DISP2: variants seen among roughly 807,000 people sequenced by gnomAD.
DISP2 encodes dispatched RND transporter family member 2.
A neutral mutation model predicts 95.5 loss-of-function variants in DISP2; 59 were observed. The observed-to-expected ratio is 0.62, with a 90% CI of 0.50 to 0.77. The LOEUF is 0.77. Among genes scored for constraint, DISP2 ranks in the 30% least tolerant of loss-of-function variants. The pLI, the probability that DISP2 is intolerant of heterozygous loss-of-function variation, is 0.00. For missense variants in DISP2, 1,752 were observed against 1,854.6 expected, an observed-to-expected ratio of 0.94 and a Z score of 1.02; for synonymous variants, 827 against 815.0, an observed-to-expected ratio of 1.01 and a Z score of -0.25.
intron 2 of DISP2, 71 bp downstream of exon 2, chr15:40,364,025 G>A: frequency 6.7e-7 from 1 of 1,499,526 alleles, no homozygotes; most frequent in Non-Finnish European, 8.9e-7. Flanking sequence ...GGGGCAGACT[G>A]CCGGGGCTCT....
In DISP2 at chr15:40,368,560, T is replaced by A; in HGVS notation, c.2448T>A (p.Cys816Ter). The change falls in exon 8 of 8, where the codon TGT becomes TGA. Residue 816 changes from cysteine to a stop codon, truncating the protein, a stop_gained. Transcript: ENST00000267889. LOFTEE classifies it high-confidence loss of function. Reference protein sequence around the residue: ...PEAQRWLLALCHRARNQSFFD... With the variant: ...PEAQRWLLAL ...CCCAGCGCTGGCTGCTGGCACTCTG[T>A]CACCGGGCCCGGAATCAGAGCTTCT... 1 of 1,604,234 alleles carries A rather than the reference T, an allele frequency of 6.2e-7. No individual in the cohort carries two copies.
rs1241293133 is a variant in DISP2, at chr15:40,370,948, G to A, written c.*630G>A. On this transcript the variant is annotated 3_prime_UTR_variant, in exon 8 of 8. Coordinates refer to ENST00000267889, the MANE Select transcript of DISP2 (RefSeq NM_033510.3). The stretch of plus-strand genomic sequence containing the variant: ...TGCTGGGTGTGCAGCAGGAGAAGGA[G>A]GATGGTCAGCCTTGGAGCATCTCTC... 1 of 264,014 alleles carries A rather than the reference G, an allele frequency of 3.8e-6. No individual in the cohort carries two copies. The highest frequency in any genetic ancestry group is 7.7e-6 in the Non-Finnish European group (1 of 129,120). The allele number at this position is 264,014 out of a possible 1,614,324, so 16.4% of individuals were successfully genotyped here.
chr15:40,365,202 G>A lies in DISP2; in HGVS notation c.775G>A (p.Ala259Thr), dbSNP rs775657161. Reference protein sequence around the residue: ...PAPRGSAQESAVRPRRMVEPL... With the variant: ...PAPRGSAQESTVRPRRMVEPL... ...ACCCAGAGGCAGTGCCCAGGAGAGC[G>A]CTGTCCGGCCTCGGAGAATGGTGGA... The change falls in exon 6 of 8, where the codon GCT (alanine) becomes ACT (threonine). Residue 259 changes from alanine to threonine, a missense_variant. Ala to Thr is a moderately conservative substitution (Grantham distance 58). Coordinates refer to ENST00000267889, the MANE Select transcript of DISP2 (RefSeq NM_033510.3). 33 of 1,614,176 alleles carry A rather than the reference G, an allele frequency of 2.0e-5. No individual in the cohort carries two copies. In the East Asian group the frequency reaches 3.3e-4, roughly 16 times the overall value.
chr15:40,364,352 G>T, intron 3 of DISP2, 69 bp from the exon 4 acceptor site: 1 of 1,613,344 alleles, frequency 6.2e-7, no homozygotes, highest in Non-Finnish European at 8.5e-7. Context: ...CACCCCTTCT[G>T]GGTGGAGCCT....
rs1403580525 is a variant in DISP2, at chr15:40,367,557, G to A, written c.1445G>A (p.Arg482Lys). ...MDLGLKQELL[R>K]HFLVQDTVYP... ...CTGGGCCTCAAGCAGGAGCTGCTGAGGCACTTCCTGGTCCAGGACACGGTG... is the reference window on the plus strand; with the variant it reads ...CTGGGCCTCAAGCAGGAGCTGCTGAAGCACTTCCTGGTCCAGGACACGGTG... Residue 482 changes from arginine (R) to lysine (K), a missense_variant, in exon 8 of 8, where the codon AGG becomes AAG. By Grantham distance (26) the Arg-to-Lys change is conservative. Coordinates refer to ENST00000267889, the MANE Select transcript of DISP2 (RefSeq NM_033510.3). 6.8e-6 allele frequency: 11 copies of A among 1,613,886 alleles called. No homozygotes were observed. Among genetic ancestry groups the A allele is most frequent in the Non-Finnish European group, 8.5e-6 (10 of 1,180,006 alleles).
intron 1 of DISP2, among the ~76,000 whole-genome samples, chr15:40,358,850 G>T (rs1889363161): frequency 6.6e-6 from 1 of 152,262 alleles, no homozygotes; most frequent in Admixed American, 6.5e-5. Flanking sequence ...ATCGCGGATG[G>T]GAGGCTCGCC....
chr15:40,370,097 G>C lies in DISP2; in HGVS notation c.3985G>C (p.Glu1329Gln). 1 of 1,611,538 alleles carries C rather than the reference G, an allele frequency of 6.2e-7. No individual in the cohort carries two copies. The highest frequency in any genetic ancestry group is 1.3e-5 in the African/African-American group (1 of 75,008). The stretch of plus-strand genomic sequence containing the variant: ...GGATGACACTGGGCAGCCAGTCCTT[G>C]AGCGAGGCCAGCTCAATGGGAAGCG... ...DLDDTGQPVL[E>Q]RGQLNGKRDT... The change falls in exon 8 of 8, where the codon GAG becomes CAG. Residue 1329 changes from glutamate to glutamine, a missense_variant. By Grantham distance (29) the Glu-to-Gln change is conservative. Coordinates refer to ENST00000267889, the MANE Select transcript of DISP2 (RefSeq NM_033510.3).
intron 1 of DISP2, among the ~76,000 whole-genome samples, chr15:40,359,576 G>A (rs906441656): frequency 2.0e-5 from 3 of 152,198 alleles, no homozygotes; most frequent in Non-Finnish European, 2.9e-5. Context: ...GGGGCCAGAA[G>A]CATCCCTAGA....
chr15:40,358,522 T>G, intron 1 of DISP2, 82 bp downstream of exon 1: 1 of 1,044,350 alleles, frequency 9.6e-7, no homozygotes, highest in Non-Finnish European at 1.2e-6. Flanking sequence ...AGCCGCCATA[T>G]GTTGCCCCAT....
chr15:40,366,181 C>A (rs1195841467), intron 7 of DISP2, among the ~76,000 whole-genome samples: 1 of 152,266 alleles, frequency 6.6e-6, no homozygotes, highest in African/African-American at 2.4e-5. Flanking sequence ...CCCCACTTCA[C>A]ACGAGGATAT....
At chr15:40,365,458 G>T (rs1889482407) in intron 6 of DISP2, among the ~76,000 whole-genome samples, 170 bp from the exon 7 acceptor site, 1 of 152,226 alleles carries the variant, frequency 6.6e-6, no homozygotes, top group African/African-American at 2.4e-5. Flanking sequence ...GCCAGACAGG[G>T]TCAAGCTGGG....
In DISP2 at chr15:40,367,765, G is replaced by C. The variant is rs141528154; in HGVS notation, c.1653G>C (p.Leu551=). 1 of 1,610,904 alleles carries C rather than the reference G, an allele frequency of 6.2e-7. No homozygotes were observed. Among genetic ancestry groups the C allele is most frequent in the South Asian group, 1.1e-5 (1 of 91,084 alleles). The change falls in exon 8 of 8, where the codon CTG becomes CTC. Residue 551 remains leucine, a synonymous_variant. Coordinates refer to ENST00000267889, the MANE Select transcript of DISP2 (RefSeq NM_033510.3). The part of the protein sequence containing the change: ...PFVNLAALLL[L]SSVCANHTLI... ...TCAATCTGGCAGCCCTCCTCCTGCTGAGCAGCGTCTGCGCCAACCACACGC... is the reference window on the plus strand; with the variant it reads ...TCAATCTGGCAGCCCTCCTCCTGCTCAGCAGCGTCTGCGCCAACCACACGC...
rs1555399513 is a variant in DISP2, at chr15:40,358,248, G to GCCGCCGCCGCCGCTGCCGCCGCCA, written c.-69_-68insGCCGCCGCTGCCGCCGCCACCGCC. 9.8e-7 allele frequency: 1 copy of GCCGCCGCCGCCGCTGCCGCCGCCA among 1,025,138 alleles called. No homozygotes were observed. The highest frequency in any genetic ancestry group is 1.2e-6 in the Non-Finnish European group (1 of 830,888). The allele number at this position is 1,025,138 out of a possible 1,614,324, so 63.5% of individuals were successfully genotyped here. On this transcript the variant is annotated 5_prime_UTR_variant, in exon 1 of 8. Transcript: ENST00000267889. Reference sequence around the variant, plus strand: ...GCACGAGCACCCCGCCGCCGCTGCCGCCGCCACCGCCGCCGCCGCCGCCGC... The same window carrying GCCGCCGCCGCCGCTGCCGCCGCCA: ...GCACGAGCACCCCGCCGCCGCTGCCGCCGCCGCCGCCGCTGCCGCCGCCACCGCCACCGCCGCCGCCGCCGCCGC...
chr15:40,368,606 T>A lies in DISP2; in HGVS notation c.2494T>A (p.Trp832Arg), dbSNP rs140567926. 46 of 1,606,530 alleles carry A rather than the reference T, an allele frequency of 2.9e-5. No individual in the cohort carries two copies. The highest frequency in any genetic ancestry group is 3.8e-5 in the Non-Finnish European group (45 of 1,179,952). ...CTTCTTCGACACCCTGCAGGAAGGC[T>A]GGCCCACGCTGTGTTTCGTGGAGAC... ...QSFFDTLQEGWPTLCFVETLQ... is the reference protein window; with the variant it reads ...QSFFDTLQEGRPTLCFVETLQ... The change falls in exon 8 of 8, where the codon TGG becomes AGG. Residue 832 changes from tryptophan to arginine, a missense_variant. This residue lies in a region of DISP2 where 317 missense variants were observed against 394.9 expected (regional missense o/e 0.80). Transcript: ENST00000267889.
Position 40,367,949 on chromosome 15 carries a change from C to G in DISP2, c.1837C>G (p.Pro613Ala). ...AFYASYLSRL[P>A]AVRCLALFMG... ...CTATGCCAGCTACCTGAGCCGCCTG[C>G]CGGCCGTTCGCTGCCTCGCCCTCTT... is the stretch of plus-strand genomic sequence containing the variant. The change falls in exon 8 of 8, where the codon CCG (proline) becomes GCG (alanine). Residue 613 changes from proline to alanine, a missense_variant. Around this residue, in one of 5 missense-constraint regions of DISP2, gnomAD observed 732 missense variants for 714.6 expected, o/e 1.02. Coordinates refer to ENST00000267889, the MANE Select transcript of DISP2 (RefSeq NM_033510.3). 5 of 1,582,874 alleles carry G rather than the reference C, an allele frequency of 3.2e-6. No homozygotes were observed. Among genetic ancestry groups the G allele is most frequent in the Non-Finnish European group, 4.3e-6 (5 of 1,172,558 alleles).
Position 40,367,585 on chromosome 15 carries a change from C to A in DISP2, c.1473C>A (p.Tyr491Ter). The change falls in exon 8 of 8, where the codon TAC (tyrosine) becomes TAA (stop). Residue 491 changes from tyrosine (Y) to a stop codon, truncating the protein, a stop_gained. Coordinates refer to ENST00000267889, the MANE Select transcript of DISP2 (RefSeq NM_033510.3). LOFTEE classifies it high-confidence loss of function. ...ACTTCCTGGTCCAGGACACGGTGTA[C>A]CCCTTGCTGGCTCTGGTTGCCATCT... ...LRHFLVQDTV[Y>*]PLLALVAIFF... is the part of the protein sequence containing the mutation. 1 of 1,613,980 alleles carries A rather than the reference C, an allele frequency of 6.2e-7. No homozygotes were observed. The highest frequency in any genetic ancestry group is 8.5e-7 in the Non-Finnish European group (1 of 1,180,016).
At position 40,370,392 on chromosome 15, in the gene DISP2, A is replaced by G; in HGVS notation, c.*74A>G. On this transcript the variant is annotated 3_prime_UTR_variant, in exon 8 of 8. Transcript: ENST00000267889. ...CAAGGCAAGGGCAGCAATAGGCTGG[A>G]GCCCGAAGGTATTTCTCCAGATCCA... 1 of 1,500,426 alleles carries G rather than the reference A, an allele frequency of 6.7e-7. No homozygotes were observed. Among genetic ancestry groups the G allele is most frequent in the Non-Finnish European group, 8.8e-7 (1 of 1,130,834 alleles). The allele number at this position is 1,500,426 out of a possible 1,614,324, so 92.9% of individuals were successfully genotyped here.
rs766291773 is a variant in DISP2 at position 40,369,478 on chromosome 15, G to C, written c.3366G>C (p.Gln1122His). The change falls in exon 8 of 8, where the codon CAG becomes CAC. Residue 1122 changes from glutamine to histidine, a missense_variant. Physicochemically the swap from Gln to His is conservative, Grantham distance 24 (BLOSUM62 0). Transcript: ENST00000267889. ...TCGGGCCAGAGAAGAACTGTGGGCA[G>C]ATCCTCTGGCCCTGTGCCCACCTGC... ...CFFGPEKNCG[Q>H]ILWPCAHLPW... 5 of 1,613,228 alleles carry C rather than the reference G, an allele frequency of 3.1e-6. No homozygotes were observed. The South Asian group carries it at 5.5e-5, about 18-fold the overall frequency.
chr15:40,367,469 C>G lies in DISP2; in HGVS notation c.1357C>G (p.Leu453Val), dbSNP rs769887184. The change falls in exon 8 of 8, where the codon CTG becomes GTG. Residue 453 changes from leucine (L) to valine (V), a missense_variant. By Grantham distance (32) the Leu-to-Val change is conservative. Around this residue, in one of 5 missense-constraint regions of DISP2, gnomAD observed 732 missense variants for 714.6 expected, o/e 1.02. Coordinates refer to ENST00000267889, the MANE Select transcript of DISP2 (RefSeq NM_033510.3). ...GGGTGCTTCCCTCATGGACATCTAC[C>G]TGGACCGGCTGGCCACCCCCTGGGG... is the stretch of plus-strand genomic sequence containing the variant. ...PKGASLMDIY[L>V]DRLATPWGLA... 6.2e-7 allele frequency: 1 copy of G among 1,613,784 alleles called. No individual in the cohort carries two copies. The highest frequency in any genetic ancestry group is 1.1e-5 in the South Asian group (1 of 91,066).
Sources: gnomAD v4.1 joint callset for allele counts (sites outside exome capture counted in the v4.1 genomes callset) on GRCh38, gnomAD v4.1.1 for gene constraint, gnomAD v4.1.1 regional missense constraint, MANE v1.5 for transcripts, NCBI Gene and HGNC (gene_info 2026-07-23, HGNC 2026-07-21) for gene names.